Variants in DLGAP2 observed in about 807,000 individuals in gnomAD.
DLGAP2 encodes the protein disks large-associated protein 2.
A neutral mutation model predicts 100.3 loss-of-function variants in DLGAP2; 26 were observed. The observed-to-expected ratio is 0.26, with a 90% confidence interval of 0.19 to 0.36. DLGAP2 has a LOEUF of 0.36. Ranked by LOEUF, DLGAP2 falls within the 10% of genes least tolerant of loss-of-function variation. The pLI is 1.00. For missense variants in DLGAP2, 1,858 were observed against 1,453.2 expected, an observed-to-expected ratio of 1.28 and a Z score of -4.53; for synonymous variants, 886 against 630.1, an observed-to-expected ratio of 1.41 and a Z score of -6.08.
chr8:1,496,410 C>G (rs995595629), intron 3 of DLGAP2, among the ~76,000 whole-genome samples: 1 of 152,116 alleles, frequency 6.6e-6, no homozygotes, highest in African/African-American at 2.4e-5. Context: ...TCCTCACTTT[C>G]TGGAAGGTGT....
intron 6 of DLGAP2, among the ~76,000 whole-genome samples, chr8:1,611,055 C>G (rs1364846043): frequency 1.4e-5 from 2 of 140,104 alleles, no homozygotes; most frequent in African/African-American, 2.8e-5. Context: ...CAGCATCATT[C>G]TGATACCAAA....
intron 2 of DLGAP2, among the ~76,000 whole-genome samples, chr8:1,201,948 G>A (rs886585192): frequency 2.1e-5 from 3 of 144,380 alleles, no homozygotes; most frequent in African/African-American, 7.7e-5. Context: ...ATGTGTGTAT[G>A]TGTACACATG....
chr8:1,617,096 G>A (rs556036294), intron 6 of DLGAP2, among the ~76,000 whole-genome samples: 47 of 151,996 alleles, frequency 3.1e-4, no homozygotes, highest in African/African-American at 8.7e-4. Flanking sequence ...AGTATTCCAC[G>A]GTGTACATGC....
intron 2 of DLGAP2, among the ~76,000 whole-genome samples, chr8:1,086,281 G>A (rs1318715832): frequency 6.6e-6 from 1 of 152,092 alleles, no homozygotes; most frequent in Non-Finnish European, 1.5e-5. Context: ...CCCAGCATAG[G>A]ACTTCTAGTA....
intron 3 of DLGAP2, among the ~76,000 whole-genome samples, chr8:1,316,664 A>G (rs1382568400): frequency 2.1e-5 from 3 of 143,520 alleles, no homozygotes; most frequent in Admixed American, 6.9e-5. Flanking sequence ...CACTCGAGAC[A>G]CTTGGCAGCT....
At chr8:1,193,379 A>T (rs1019224316) in intron 2 of DLGAP2, among the ~76,000 whole-genome samples, 1 of 152,096 alleles carries the variant, frequency 6.6e-6, no homozygotes, top group African/African-American at 2.4e-5. Flanking sequence ...CTGGTCTGAG[A>T]TGGTATCTCA....
chr8:1,481,473 T>C (rs1326968332), intron 3 of DLGAP2, among the ~76,000 whole-genome samples: 2 of 110,724 alleles, frequency 1.8e-5, no homozygotes, highest in African/African-American at 1.1e-4. Flanking sequence ...TTCTTTTTCT[T>C]TTTTTTTTTT....
chr8:1,190,313 T>A (rs1320609342), intron 2 of DLGAP2, among the ~76,000 whole-genome samples: 1 of 152,172 alleles, frequency 6.6e-6, no homozygotes, highest in African/African-American at 2.4e-5. Flanking sequence ...CTGTTGCCTT[T>A]CACGTGGCTC....
intron 12 of DLGAP2, among the ~76,000 whole-genome samples, chr8:1,679,664 C>T (rs1422397340): frequency 2.0e-5 from 3 of 152,214 alleles, no homozygotes; most frequent in Non-Finnish European, 4.4e-5. Flanking sequence ...GCCTTTCTCC[C>T]ATCTGCCTAG....
chr8:1,436,372 C>CA (rs1797629174), intron 3 of DLGAP2, among the ~76,000 whole-genome samples: 1 of 152,208 alleles, frequency 6.6e-6, no homozygotes, highest in African/African-American at 2.4e-5. Flanking sequence ...CTGGAAGACT[C>CA]AGCCAGTCCA....
At chr8:1,261,300 A>G (rs190554876) in intron 3 of DLGAP2, among the ~76,000 whole-genome samples, 67 of 150,446 alleles carry the variant, frequency 4.5e-4, no homozygotes, top group African/African-American at 1.6e-3. Flanking sequence ...ATATAAAATG[A>G]GACAGACTGG....
At chr8:1,696,047 G>C (rs1351975578) in intron 13 of DLGAP2, among the ~76,000 whole-genome samples, 2 of 152,234 alleles carry the variant, frequency 1.3e-5, no homozygotes, top group African/African-American at 2.4e-5. Context: ...AGGAATCGCA[G>C]AGCTGTCCGT....
intron 1 of DLGAP2, among the ~76,000 whole-genome samples, chr8:849,021 T>G (rs117003463): frequency 9.9e-5 from 15 of 152,038 alleles, no homozygotes; most frequent in Non-Finnish European, 2.9e-5. Flanking sequence ...TGTTCCAGTA[T>G]AGGAATGTGC....
chr8:1,424,527 G>A (rs1266396486), intron 3 of DLGAP2, among the ~76,000 whole-genome samples: 3 of 152,240 alleles, frequency 2.0e-5, no homozygotes, highest in African/African-American at 7.2e-5. Context: ...TACGACTTGG[G>A]TGAACCCTGA....
chr8:884,884 A>C (rs760119617), intron 1 of DLGAP2, among the ~76,000 whole-genome samples: 1 of 152,216 alleles, frequency 6.6e-6, no homozygotes, highest in Non-Finnish European at 1.5e-5. Flanking sequence ...TTTACTGAAT[A>C]GGAGATCCTT....
At chr8:1,553,484 G>GTTCACAGGTAGCAGCCCCGTTGTGCTTT (rs1271828229) in intron 5 of DLGAP2, among the ~76,000 whole-genome samples, 3 of 152,252 alleles carry the variant, frequency 2.0e-5, no homozygotes, top group Non-Finnish European at 4.4e-5. Context: ...CGTTGTGCTT[G>GTTCACAGGTAGCAGCCCCGTTGTGCTTT]GCGTGTTCAC....
intron 3 of DLGAP2, among the ~76,000 whole-genome samples, chr8:1,446,842 C>G (rs1797997172): frequency 6.6e-6 from 1 of 152,068 alleles, no homozygotes; most frequent in South Asian, 2.1e-4. Flanking sequence ...GTATTTTATT[C>G]TCTTTGAAGC....
At chr8:1,134,288 T>C (rs10112424) in intron 2 of DLGAP2, among the ~76,000 whole-genome samples, 78,864 of 152,016 alleles carry the variant, frequency 0.52, 21,398 homozygotes, top group Non-Finnish European at 0.61. Context: ...TGAATAGTGC[T>C]GCAATGAACG....
At chr8:1,131,258 G>C (rs113179535) in intron 2 of DLGAP2, among the ~76,000 whole-genome samples, 99 of 152,238 alleles carry the variant, frequency 6.5e-4, no homozygotes, top group African/African-American at 2.3e-3. Flanking sequence ...GGAAAAACGA[G>C]TGACTGGCTT....
Sources: allele counts gnomAD v4.1 joint callset (sites outside exome capture counted in the v4.1 genomes callset), GRCh38; gene constraint gnomAD v4.1.1; transcripts MANE v1.5; gene names NCBI Gene and HGNC (gene_info 2026-07-23, HGNC 2026-07-21).